Variants in TXNRD1 observed in about 807,000 individuals in gnomAD.
TXNRD1 encodes the protein thioredoxin reductase 1, also known as thioredoxin reductase 1, cytoplasmic.
In TXNRD1, 57 loss-of-function variants were observed where a neutral mutation model predicts 80.3. That is an observed-to-expected ratio of 0.71 (90% CI 0.57 to 0.89). TXNRD1 has a LOEUF of 0.89. TXNRD1 is among the 40% of genes least tolerant of loss of function. The pLI is 0.00. For missense variants in TXNRD1, 730 were observed against 803.0 expected, an observed-to-expected ratio of 0.91 and a Z score of 1.10; for synonymous variants, 291 against 285.2, an observed-to-expected ratio of 1.02 and a Z score of -0.20.
chr12:104,249,028 A>G (rs1018000919), intron 1 of TXNRD1, among the ~76,000 whole-genome samples: 1 of 152,250 alleles, frequency 6.6e-6, no homozygotes, highest in African/African-American at 2.4e-5. Context: ...TTTTTCTTTA[A>G]GAAGAACCCA....
At chr12:104,303,005 T>A (rs994973306) in intron 4 of TXNRD1, among the ~76,000 whole-genome samples, 2 of 152,204 alleles carry the variant, frequency 1.3e-5, no homozygotes, top group African/African-American at 4.8e-5. Context: ...TCAGAGTTAC[T>A]ACCCATTCAG....
intron 4 of TXNRD1, among the ~76,000 whole-genome samples, chr12:104,296,614 C>G (rs1018892947): frequency 5.9e-5 from 9 of 152,120 alleles, no homozygotes; most frequent in African/African-American, 2.2e-4. Context: ...TTACAAAAGG[C>G]TTTTTGTTGG....
chr12:104,290,959 CTT>C, intron 4 of TXNRD1: 1 of 617,126 alleles, frequency 1.6e-6, no homozygotes, highest in Non-Finnish European at 2.9e-6. Flanking sequence ...GATGTTTTTT[CTT>C]TTTTTTTAAT....
In TXNRD1 at chr12:104,303,799, C is replaced by T. The variant is rs555448082; in HGVS notation, c.415-7491C>T. On this transcript the variant is annotated intron_variant, in intron 4 of 16. Transcript: ENST00000525566. ...TTCCACACGCTGGGAGGGCCGTTAC[C>T]TCAGAGATACCCGTGGCCGGCATGT... is the stretch of plus-strand genomic sequence containing the variant. 1.7e-5 allele frequency: 23 copies of T among 1,363,204 alleles called. No individual in the cohort carries two copies. The Admixed American group carries it at 4.9e-4, about 29-fold the overall frequency. 84.4% of individuals were successfully genotyped at this position (1,363,204 alleles called of 1,614,324 possible).
intron 2 of TXNRD1, among the ~76,000 whole-genome samples, chr12:104,256,253 G>T (rs1003542745): frequency 6.6e-6 from 1 of 152,152 alleles, no homozygotes; most frequent in African/African-American, 2.4e-5. Context: ...GGTGGGAAGT[G>T]CCCATAAGGA....
intron 10 of TXNRD1, 41 bp downstream of exon 10, chr12:104,321,357 C>T: frequency 3.9e-6 from 6 of 1,523,104 alleles, no homozygotes; most frequent in Non-Finnish European, 5.5e-6. Flanking sequence ...TCTACATTCA[C>T]AGTAAAAGGC....
intron 3 of TXNRD1, among the ~76,000 whole-genome samples, chr12:104,260,517 C>T (rs1332462397): frequency 6.6e-6 from 1 of 151,966 alleles, no homozygotes; most frequent in African/African-American, 2.4e-5. Context: ...CAGAAAACTT[C>T]CCTAACTTCA....
Position 104,236,544 on chromosome 12 carries a change from C to T in TXNRD1, c.92-14983C>T, listed in dbSNP as rs572220789. Among the ~76,000 whole-genome samples the T allele has an allele frequency of 2.0e-5, 3 of 152,192 alleles. No individual in the cohort carries two copies. In the South Asian group the frequency reaches 6.2e-4, roughly 32 times the overall value. ...GTGGCTCACACCTGTAATCCCAGCA[C>T]TTTGGGAGGCTGAGATGGGAGGATC... On this transcript the variant is annotated intron_variant, in intron 1 of 16. Transcript: ENST00000525566.
chr12:104,284,463 G>A (rs2033935221), intron 3 of TXNRD1: 2 of 152,182 alleles, frequency 1.3e-5, no homozygotes, highest in South Asian at 2.1e-4. Context: ...TGGTGTGTGT[G>A]TGTGTATGAG....
chr12:104,288,529 G>A (rs1286947742), intron 3 of TXNRD1, among the ~76,000 whole-genome samples: 1 of 152,228 alleles, frequency 6.6e-6, no homozygotes, highest in Non-Finnish European at 1.5e-5. Flanking sequence ...AGAGTTGAAA[G>A]CAAGATCAAA....
At chr12:104,245,350 A>G (rs1261855746) in intron 1 of TXNRD1, among the ~76,000 whole-genome samples, 2 of 151,394 alleles carry the variant, frequency 1.3e-5, no homozygotes, top group Non-Finnish European at 2.9e-5. Context: ...CGTCTCTACT[A>G]AAAATACAAA....
rs980723940 is a variant in TXNRD1 at position 104,314,115 on chromosome 12, G to A, written c.610+798G>A. Among the ~76,000 whole-genome samples the A allele has an allele frequency of 5.3e-5, 8 of 152,260 alleles. No homozygotes were observed. The South Asian group carries it at 1.7e-3, about 32-fold the overall frequency. ...CTTCATGGTTGTGGCATGGATAATGGGAGCTGGAGGTGGTAGTGTGAGATG... is the reference window on the plus strand; with the variant it reads ...CTTCATGGTTGTGGCATGGATAATGAGAGCTGGAGGTGGTAGTGTGAGATG... On this transcript the variant is annotated intron_variant, in intron 6 of 16. Coordinates refer to ENST00000525566, the MANE Select transcript of TXNRD1 (RefSeq NM_001093771.3).
intron 10 of TXNRD1, 42 bp downstream of exon 10, chr12:104,321,358 A>G (rs2035525211): frequency 3.3e-6 from 5 of 1,528,880 alleles, no homozygotes; most frequent in Non-Finnish European, 4.5e-6. Flanking sequence ...CTACATTCAC[A>G]GTAAAAGGCA....
chr12:104,247,316 C>T lies in TXNRD1; in HGVS notation c.92-4211C>T, dbSNP rs1375509439. 2.0e-5 allele frequency among the ~76,000 whole-genome samples: 3 copies of T among 152,252 alleles called. No individual in the cohort carries two copies. The East Asian group carries it at 5.8e-4, about 29-fold the overall frequency. ...CTCGTGACCTCAGGCAATCTGCCTG[C>T]CTTAGCCTCCCAAAGTGCTGGGATT... On this transcript the variant is annotated intron_variant, in intron 1 of 16. Transcript: ENST00000525566.
chr12:104,301,699 G>T (rs1296293404), intron 4 of TXNRD1, among the ~76,000 whole-genome samples: 1 of 152,210 alleles, frequency 6.6e-6, no homozygotes, highest in African/African-American at 2.4e-5. Context: ...TGTAAAAGCA[G>T]ACTTTTTTGG....
At chr12:104,229,843 G>A (rs772078631) in intron 1 of TXNRD1, among the ~76,000 whole-genome samples, 4 of 151,808 alleles carry the variant, frequency 2.6e-5, no homozygotes, top group Middle Eastern at 3.4e-3. Flanking sequence ...CACCTGCCTC[G>A]GCCTCTCAAA....
chr12:104,283,185 A>G (rs528715134), intron 3 of TXNRD1, among the ~76,000 whole-genome samples: 27 of 152,338 alleles, frequency 1.8e-4, no homozygotes, highest in South Asian at 4.1e-4. Flanking sequence ...TATTCTCCAC[A>G]TAACAGCAAT....
At chr12:104,287,164 A>G in intron 3 of TXNRD1, 1 of 1,564,258 alleles carries the variant, frequency 6.4e-7, no homozygotes, top group Non-Finnish European at 8.6e-7. Flanking sequence ...GGATGGGAGC[A>G]CGCGGGGGAC....
intron 6 of TXNRD1, among the ~76,000 whole-genome samples, chr12:104,315,130 A>C (rs1255165571): frequency 6.6e-6 from 1 of 152,234 alleles, no homozygotes; most frequent in Non-Finnish European, 1.5e-5. Flanking sequence ...TTACCTCTGC[A>C]TAGATTCAAT....
Sources: allele counts gnomAD v4.1 joint callset (sites outside exome capture counted in the v4.1 genomes callset), GRCh38; gene constraint gnomAD v4.1.1; transcripts MANE v1.5; gene names NCBI Gene and HGNC (gene_info 2026-07-23, HGNC 2026-07-21).